The following ARL10 variants were observed in gnomAD, a reference collection of about 807,000 sequenced individuals.
ARL10 encodes ARF like GTPase 10, also known as ADP-ribosylation factor-like protein 10.
A neutral mutation model predicts 26.1 loss-of-function variants in ARL10; 23 were observed. The ratio of observed to expected loss-of-function variants is 0.88; its 90% CI spans 0.63 to 1.25. The LOEUF is 1.25. ARL10 is among the 50% of genes most tolerant of loss of function. The pLI, the probability that ARL10 is intolerant of heterozygous loss-of-function variation, is 0.00. For missense variants in ARL10, 300 were observed against 323.6 expected (o/e 0.93, Z 0.56); for synonymous variants, 138 against 149.1 (o/e 0.93, Z 0.54).
At chr5:176,392,905 TCTC>T, downstream of ARL10, 2 of 1,614,114 alleles carry the variant, frequency 1.2e-6, no homozygotes, top group Non-Finnish European at 1.7e-6. The surrounding 1 kb of genome is among the most constrained non-coding windows in gnomAD (Gnocchi z 5.2). Context: ...GTGCCTGGGG[TCTC>T]CTCCTTGGAT....
chr5:176,377,428 AAC>A lies in ARL10; in HGVS notation c.*5537_*5538del, dbSNP rs1255947455. 6.6e-6 allele frequency: 1 copy of A among 152,220 alleles called. No homozygotes were observed. The highest frequency in any genetic ancestry group is 1.5e-5 in the Non-Finnish European group (1 of 68,032). The allele number at this position is 152,220 out of a possible 1,614,324, so 9.4% of individuals were successfully genotyped here. On this transcript the variant is annotated 3_prime_UTR_variant, in exon 4 of 4. Coordinates refer to ENST00000310389, the MANE Select transcript of ARL10 (RefSeq NM_173664.6). The surrounding 1 kb of genome is among the most constrained non-coding windows in gnomAD (Gnocchi z 4.5). ...TTTTCCAGAGATGCCCCATAAAGGA[AAC>A]ACATGTTCTTATAACTCCTTAGCTA...
chr5:176,374,450 T>C lies in ARL10; in HGVS notation c.*2555T>C, dbSNP rs1052624567. On this transcript the variant is annotated 3_prime_UTR_variant, in exon 4 of 4. Transcript: ENST00000310389. Reference sequence around the variant, plus strand: ...ATTTGAGGTACAAAGGATGACTGCATTGGTGTACTTAAGACTACAACACAT... The same window carrying C: ...ATTTGAGGTACAAAGGATGACTGCACTGGTGTACTTAAGACTACAACACAT... 2.0e-4 allele frequency: 31 copies of C among 152,228 alleles called. No homozygotes were observed. The highest frequency in any genetic ancestry group is 7.2e-4 in the African/African-American group (30 of 41,454). The allele number at this position is 152,228 out of a possible 1,614,324, so 9.4% of individuals were successfully genotyped here. A position where few individuals can be genotyped will look rare whatever the true frequency, so the allele number is the denominator to read the frequency against.
intron 1 of ARL10, chr5:176,387,067 TCTC>T: frequency 6.9e-6 from 1 of 144,660 alleles, no homozygotes; most frequent in Non-Finnish European, 1.4e-5. Flanking sequence ...AGGCTTTTTC[TCTC>T]TCTCTCTCTT....
At chr5:176,403,081 G>A (rs1433667332), downstream of ARL10, among the ~76,000 whole-genome samples, 1 of 143,822 alleles carries the variant, frequency 7.0e-6, no homozygotes, top group African/African-American at 2.6e-5. Context: ...GCGGAGTCTC[G>A]CTCTGTCGCC....
chr5:176,372,839 T>C lies in ARL10; in HGVS notation c.*944T>C, dbSNP rs1238916986. The C allele has an allele frequency of 2.5e-6, 1 of 398,676 alleles. No homozygotes were observed. The highest frequency in any genetic ancestry group is 4.4e-6 in the Non-Finnish European group (1 of 226,064). The allele number at this position is 398,676 out of a possible 1,614,324, so 24.7% of individuals were successfully genotyped here. On this transcript the variant is annotated 3_prime_UTR_variant, in exon 4 of 4. Coordinates refer to ENST00000310389, the MANE Select transcript of ARL10 (RefSeq NM_173664.6). ...CAGAACAGGCCAGAGTTCTAGGCTC[T>C]GTTTCTAGGTGCTGTTTTCAAAACC... is the stretch of plus-strand genomic sequence containing the variant.
rs1375809526 is a variant in ARL10, at chr5:176,376,553, T to C, written c.*4658T>C. ...TGCTAAAGCCGGCCCCAGATTATGG[T>C]CCCACGGATTTTCCCATAAAGAAAG... On this transcript the variant is annotated 3_prime_UTR_variant, in exon 4 of 4. Transcript: ENST00000310389. 1 of 152,120 alleles carries C rather than the reference T, an allele frequency of 6.6e-6. No homozygotes were observed. The highest frequency in any genetic ancestry group is 1.5e-5 in the Non-Finnish European group (1 of 68,028). The allele number at this position is 152,120 out of a possible 1,614,324, so 9.4% of individuals were successfully genotyped here. A position where few individuals can be genotyped will look rare whatever the true frequency, so the allele number is the denominator to read the frequency against.
At position 176,378,359 on chromosome 5, in the gene ARL10, A is replaced by G. The variant is rs1178385264; in HGVS notation, c.*6464A>G. The G allele has an allele frequency of 6.6e-6, 1 of 152,248 alleles. No homozygotes were observed. Among genetic ancestry groups the G allele is most frequent in the African/African-American group, 2.4e-5 (1 of 41,472 alleles). 9.4% of individuals were successfully genotyped at this position (152,248 alleles called of 1,614,324 possible). On this transcript the variant is annotated 3_prime_UTR_variant, in exon 4 of 4. Coordinates refer to ENST00000310389, the MANE Select transcript of ARL10 (RefSeq NM_173664.6). ...CTTTCCATGTATGGGCTTCAATCTT[A>G]TAAGAATTTGTTATTTATTTTTCAC... is the stretch of plus-strand genomic sequence containing the variant.
the ARL10 span, among the ~76,000 whole-genome samples, chr5:176,409,450 A>G: frequency 8.7e-6 from 1 of 114,536 alleles, no homozygotes; most frequent in Non-Finnish European, 1.6e-5. Flanking sequence ...TTTCACTCTC[A>G]TCTCCCAGGC....
rs1432636544 is a variant in ARL10, at chr5:176,371,779, A to T, written c.619A>T (p.Ile207Phe). 2.5e-6 allele frequency: 4 copies of T among 1,614,210 alleles called. No homozygotes were observed. The highest frequency in any genetic ancestry group is 1.3e-5 in the African/African-American group (1 of 75,066). ...ELQRELGLQA[I>F]DNQREVFLLA... ...GCAGCGGGAGCTGGGTCTACAGGCT[A>T]TCGATAACCAGCGGGAGGTTTTCCT... Residue 207 changes from isoleucine (I) to phenylalanine (F), a missense_variant, in exon 4 of 4, where the codon ATC becomes TTC. Coordinates refer to ENST00000310389, the MANE Select transcript of ARL10 (RefSeq NM_173664.6).
rs1467393632 is a variant in ARL10, at chr5:176,375,280, CCAT to C, written c.*3387_*3389del. 1 of 41,396 alleles carries C rather than the reference CCAT, an allele frequency of 2.4e-5. No homozygotes were observed. The highest frequency in any genetic ancestry group is 1.0e-4 in the African/African-American group (1 of 9,648). The allele number at this position is 41,396 out of a possible 1,614,324, so 2.6% of individuals were successfully genotyped here. On this transcript the variant is annotated 3_prime_UTR_variant, in exon 4 of 4. Transcript: ENST00000310389. The stretch of plus-strand genomic sequence containing the variant: ...TCCATCCACCCATCCACCCATCCAT[CCAT>C]CCACCCATCCATCCATCCATCCATC...
At chr5:176,402,540 G>A (rs989459890), downstream of ARL10, among the ~76,000 whole-genome samples, 1 of 151,290 alleles carries the variant, frequency 6.6e-6, no homozygotes. Flanking sequence ...CCTGATTGAG[G>A]CCTTGGCTTG....
At position 176,366,563 on chromosome 5, in the gene ARL10, G is replaced by C. The variant is rs773140151; in HGVS notation, c.367G>C (p.Glu123Gln). The change falls in exon 2 of 4, where the codon GAG (glutamate) becomes CAG (glutamine). Residue 123 changes from glutamate to glutamine, a missense_variant. Glu to Gln is a conservative substitution (Grantham distance 29). Transcript: ENST00000310389. The stretch of plus-strand genomic sequence containing the variant: ...CGTGCGTCTGCCCACCAAGGACTTT[G>C]AGGTGGACCTGCTAGAAAGTGAGCG... ...NSVRLPTKDF[E>Q]VDLLEIGGSQ... The C allele has an allele frequency of 2.5e-6, 4 of 1,613,992 alleles. No individual in the cohort carries two copies. Among genetic ancestry groups the C allele is most frequent in the Non-Finnish European group, 3.4e-6 (4 of 1,180,032 alleles).
At chr5:176,387,013 C>T (rs1755901004) in intron 1 of ARL10, 1 of 964,796 alleles carries the variant, frequency 1.0e-6, no homozygotes, top group East Asian at 2.4e-5. Flanking sequence ...AATCCCTGCC[C>T]ACGGTTAGGT....
intron 3 of ARL10, chr5:176,369,314 C>A: frequency 3.5e-6 from 3 of 859,290 alleles, no homozygotes; most frequent in Non-Finnish European, 3.2e-6. Flanking sequence ...CTCACTGCAA[C>A]CTCCACCTCC....
intron 1 of ARL10, among the ~76,000 whole-genome samples, chr5:176,400,934 T>C (rs2113646958): frequency 6.6e-6 from 1 of 152,208 alleles, no homozygotes; most frequent in East Asian, 1.9e-4. Flanking sequence ...ACATCAGGGC[T>C]ACAGTCTCCA....
At chr5:176,383,006 AG>A (rs1755588781), downstream of ARL10, among the ~76,000 whole-genome samples, 1 of 152,136 alleles carries the variant, frequency 6.6e-6, no homozygotes, top group African/African-American at 2.4e-5. Context: ...GGCTCCAGTA[AG>A]GGGGCTTCTG....
chr5:176,402,625 C>T (rs1756882835), downstream of ARL10, among the ~76,000 whole-genome samples: 4 of 152,234 alleles, frequency 2.6e-5, no homozygotes, highest in South Asian at 8.3e-4. Flanking sequence ...TTCCATACAG[C>T]ACCCAGCACC....
chr5:176,398,108 C>T (rs541136384), intron 1 of ARL10: 11 of 1,492,646 alleles, frequency 7.4e-6, no homozygotes, highest in Non-Finnish European at 1.0e-5. Flanking sequence ...GTCTCTGCTG[C>T]CCCTGCTGGG....
chr5:176,404,159 G>A (rs1480653096), downstream of ARL10, among the ~76,000 whole-genome samples: 5 of 152,338 alleles, frequency 3.3e-5, no homozygotes, highest in African/African-American at 4.8e-5. Context: ...GAATTGCTGG[G>A]TGTGACTCGC....
Sources: gnomAD v4.1 joint callset for allele counts (sites outside exome capture counted in the v4.1 genomes callset) on GRCh38, gnomAD v4.1.1 for gene constraint, Gnocchi (gnomAD v3.1) non-coding constraint, MANE v1.5 for transcripts, NCBI Gene and HGNC (gene_info 2026-07-23, HGNC 2026-07-21) for gene names.